CTRB2: variants seen among roughly 807,000 people sequenced by gnomAD.
The protein encoded by CTRB2 is chymotrypsin B2.
Under a neutral mutation model 19.3 loss-of-function variants are expected in CTRB2, and 9 were observed. That is an observed-to-expected ratio of 0.47 (90% CI 0.28 to 0.81). The LOEUF (loss-of-function observed/expected upper bound fraction) is 0.81, where lower values mean the gene tolerates loss of function less well. Ranked by LOEUF, CTRB2 falls within the 40% of genes least tolerant of loss-of-function variation. The pLI is 0.11. For synonymous variants in CTRB2, 98 were observed against 117.3 expected (o/e 0.84, Z 1.06); for missense variants, 210 against 269.7 (o/e 0.78, Z 1.55).
intron 1 of CTRB2, chr16:75,206,888 T>G (rs1018513089): frequency 3.4e-6 from 2 of 585,482 alleles, no homozygotes; most frequent in African/African-American, 3.7e-5. Flanking sequence ...CCCCATCTCC[T>G]GAGCTCAGAG....
In CTRB2 at chr16:75,206,123, G is replaced by A; in HGVS notation, c.123C>T (p.Val41=). 3 of 1,539,564 alleles carry A rather than the reference G, an allele frequency of 1.9e-6. No individual in the cohort carries two copies. Among genetic ancestry groups the A allele is most frequent in the Non-Finnish European group, 2.6e-6 (3 of 1,139,424 alleles). Reference sequence around the variant, plus strand: ...ACACCTGCCAGGGCCAGGAGCCGGGGACGGCGTCCTCCCCATTCACGATCC... The same window carrying A: ...ACACCTGCCAGGGCCAGGAGCCGGGAACGGCGTCCTCCCCATTCACGATCC... ...LSRIVNGEDA[V]PGSWPWQVSL... The change falls in exon 2 of 7, where the codon GTC becomes GTT. Residue 41 remains valine, a synonymous_variant. Coordinates refer to ENST00000303037, the MANE Select transcript of CTRB2 (RefSeq NM_001025200.4).
chr16:75,206,335 TCTC>T, intron 1 of CTRB2, 142 bp from the exon 2 acceptor site: 1 of 848,252 alleles, frequency 1.2e-6, no homozygotes, highest in Non-Finnish European at 1.8e-6. Context: ...TGGCCCTGGC[TCTC>T]CTCTCCGCAG....
intron 1 of CTRB2, 137 bp from the exon 2 acceptor site, chr16:75,206,330 C>G (rs1301194539): frequency 5.6e-6 from 5 of 886,474 alleles, no homozygotes; most frequent in Non-Finnish European, 6.7e-6. Context: ...GAAGTTGGCC[C>G]TGGCTCTCCT....
intron 1 of CTRB2, 101 bp from the exon 2 acceptor site, chr16:75,206,294 A>G (rs1172119646): frequency 1.6e-6 from 2 of 1,223,964 alleles, no homozygotes; most frequent in East Asian, 2.6e-5. Context: ...TGGGACCTAG[A>G]CTGGCTCCCA....
rs1567561226 is a variant in CTRB2, at chr16:75,204,144, TGGCAGGAGCTGCG to T, written c.*4_*16del. ...TTAATGGGAAATCTTAAGGCAGGGGTGGCAGGAGCTGCGGGCTCAGTTGGCGGCCAGGATCTTC... is the reference window on the plus strand; with the variant it reads ...TTAATGGGAAATCTTAAGGCAGGGGTGGCTCAGTTGGCGGCCAGGATCTTC... On this transcript the variant is annotated 3_prime_UTR_variant, in exon 7 of 7. Coordinates refer to ENST00000303037, the MANE Select transcript of CTRB2 (RefSeq NM_001025200.4). 1 of 1,613,902 alleles carries T rather than the reference TGGCAGGAGCTGCG, an allele frequency of 6.2e-7. No homozygotes were observed. Among genetic ancestry groups the T allele is most frequent in the East Asian group, 2.2e-5 (1 of 44,870 alleles).
chr16:75,206,660 A>G (rs1045140354), intron 1 of CTRB2: 5 of 297,790 alleles, frequency 1.7e-5, no homozygotes, highest in South Asian at 1.6e-4. Flanking sequence ...CGTGAGCAGG[A>G]GTTTAAGAGG....
intron 1 of CTRB2, 77 bp from the exon 2 acceptor site, chr16:75,206,270 T>C (rs1597117378): frequency 2.1e-6 from 3 of 1,423,412 alleles, no homozygotes; most frequent in East Asian, 5.0e-5. Flanking sequence ...CACTCCCAAC[T>C]CTTTTCCAGT....
rs1347942866 is a variant in CTRB2 at position 75,204,884 on chromosome 16, C to T, written c.519G>A (p.Leu173=). The T allele has an allele frequency of 8.7e-7, 1 of 1,143,954 alleles. No homozygotes were observed. The highest frequency in any genetic ancestry group is 1.8e-5 in the African/African-American group (1 of 56,946). The allele number at this position is 1,143,954 out of a possible 1,614,324, so 70.9% of individuals were successfully genotyped here. ...ACAGGAGGGGCAGGGCTGCCTGCTG[C>T]AGCTTGTCAGGGGTCTTGTTGGCTG... ...KYNANKTPDK[L]QQAALPLLSN... The change falls in exon 6 of 7, where the codon CTG becomes CTA. Residue 173 remains leucine (L), a synonymous_variant. Transcript: ENST00000303037.
At chr16:75,204,466 C>G in intron 6 of CTRB2, 144 bp from the exon 7 acceptor site, 1 of 941,266 alleles carries the variant, frequency 1.1e-6, no homozygotes, top group Non-Finnish European at 1.6e-6. Flanking sequence ...GATCTGGGTT[C>G]ACATGGCAGC....
At chr16:75,206,472 C>G in intron 1 of CTRB2, 1 of 518,404 alleles carries the variant, frequency 1.9e-6, no homozygotes, top group African/African-American at 1.9e-5. Flanking sequence ...GGCGGCAGCC[C>G]CGGCGCTCAG....
chr16:75,206,876 C>A (rs1236909310), intron 1 of CTRB2: 1 of 564,092 alleles, frequency 1.8e-6, no homozygotes, highest in African/African-American at 1.9e-5. Flanking sequence ...GGGAGCGGGA[C>A]TCCCCATCTC....
At position 75,204,970 on chromosome 16, in the gene CTRB2, C is replaced by CG. The variant is rs1271522497; in HGVS notation, c.497-65dup. The CG allele has an allele frequency of 1.6e-4, 85 of 544,000 alleles. 2 individuals are homozygous for CG. The highest frequency in any genetic ancestry group is 1.5e-3 in the South Asian group (75 of 49,004). 33.7% of individuals were successfully genotyped at this position (544,000 alleles called of 1,614,324 possible). A position where few individuals can be genotyped will look rare whatever the true frequency, so the allele number is the denominator to read the frequency against. On this transcript the variant is annotated intron_variant, in intron 5 of 6. Coordinates refer to ENST00000303037, the MANE Select transcript of CTRB2 (RefSeq NM_001025200.4). ...TCAGCCAAGAGTGGAGGGAGAGACC[C>CG]GGGGCCGACACGCCTGCCCTACCCT...
intron 1 of CTRB2, 186 bp from the exon 2 acceptor site, chr16:75,206,379 A>T: frequency 3.1e-6 from 2 of 639,144 alleles, no homozygotes; most frequent in Non-Finnish European, 5.3e-6. Context: ...ACTGAGTCCA[A>T]TGAACTGGGC....
intron 1 of CTRB2, chr16:75,206,817 C>A: frequency 2.1e-6 from 1 of 484,234 alleles, no homozygotes; most frequent in Non-Finnish European, 3.8e-6. Context: ...CCTGCCTCCT[C>A]CCCCCGCCTC....
chr16:75,206,344 C>T (rs1012375229), intron 1 of CTRB2, 151 bp from the exon 2 acceptor site: 67 of 777,644 alleles, frequency 8.6e-5, no homozygotes, highest in South Asian at 4.4e-4. Flanking sequence ...CTCTCCTCTC[C>T]GCAGAGCTGG....
chr16:75,206,705 C>G (rs996573238), intron 1 of CTRB2: 1 of 363,548 alleles, frequency 2.8e-6, no homozygotes, highest in South Asian at 2.5e-5. Flanking sequence ...TTGGACTGAA[C>G]GGTGCCAAGC....
At chr16:75,204,598 G>A (rs2038872464) in intron 6 of CTRB2, 175 bp downstream of exon 6, 1 of 1,312,170 alleles carries the variant, frequency 7.6e-7, no homozygotes. Context: ...CCCAGGGGCA[G>A]CCTCAGCTGC....
At position 75,206,196 on chromosome 16, in the gene CTRB2, G is replaced by A. The variant is rs2038889233; in HGVS notation, c.53-3C>T. On this transcript the variant is annotated splice_region_variant and splice_polypyrimidine_tract_variant and intron_variant, in intron 1 of 6. Transcript: ENST00000303037. ...GTGGATGGCGGGGACCCCGCAGCCTGGGGGCGGGAGTGGGCTGAGGGGTGG... is the reference window on the plus strand; with the variant it reads ...GTGGATGGCGGGGACCCCGCAGCCTAGGGGCGGGAGTGGGCTGAGGGGTGG... The A allele has an allele frequency of 4.5e-6, 7 of 1,557,872 alleles. No homozygotes were observed. The South Asian group carries it at 5.9e-5, about 13-fold the overall frequency.
intron 1 of CTRB2, chr16:75,206,819 C>A: frequency 2.0e-6 from 1 of 491,488 alleles, no homozygotes; most frequent in Non-Finnish European, 3.8e-6. Context: ...TGCCTCCTCC[C>A]CCCGCCTCCT....
Sources: gnomAD v4.1 joint callset for allele counts on GRCh38, gnomAD v4.1.1 for gene constraint, MANE v1.5 for transcripts, NCBI Gene and HGNC (gene_info 2026-07-23, HGNC 2026-07-21) for gene names.